The following DPRX variants were observed in gnomAD, a reference collection of about 807,000 sequenced individuals.
The protein encoded by DPRX is divergent-paired related homeobox.
A neutral mutation model predicts 8.4 loss-of-function variants in DPRX; 11 were observed. The observed-to-expected ratio is 1.31, with a 90% CI of 0.82 to 2.17. The LOEUF is 2.17. Among genes scored for constraint, DPRX ranks in the 30% most tolerant of loss-of-function variants. The pLI is 0.00. For synonymous variants in DPRX, 72 were observed against 87.0 expected, an observed-to-expected ratio of 0.83 and a Z score of 0.96; for missense variants, 211 against 236.7, an observed-to-expected ratio of 0.89 and a Z score of 0.71.
At chr19:53,613,529 T>G in the DPRX span, among the ~76,000 whole-genome samples, 14 of 151,640 alleles carry the variant, frequency 9.2e-5, no homozygotes, top group Non-Finnish European at 1.9e-4. Flanking sequence ...TTTTTTTTTT[T>G]TGTATTTTTA....
At chr19:53,617,192 T>C in the DPRX span, 28 of 965,934 alleles carry the variant, frequency 2.9e-5, no homozygotes, top group Non-Finnish European at 3.1e-5. Context: ...CTGTGTCCTA[T>C]TGAGTTTTTT....
intron 1 of DPRX, among the ~76,000 whole-genome samples, chr19:53,632,607 C>A (rs914441921): frequency 6.6e-6 from 1 of 152,058 alleles, no homozygotes; most frequent in Non-Finnish European, 1.5e-5. Flanking sequence ...CTGCACCCGG[C>A]CCAAGTTTTG....
exon 3 of DPRX, chr19:53,636,699 C>T (rs778694585): frequency 3.9e-5 from 63 of 1,613,998 alleles, no homozygotes; most frequent in Non-Finnish European, 4.7e-5. Flanking sequence ...GGTGGGGTCT[C>T]CACCAGTGTC....
At chr19:53,617,560 C>T in the DPRX span, among the ~76,000 whole-genome samples, 383 of 45,428 alleles carry the variant, frequency 8.4e-3, 3 homozygotes, top group African/African-American at 0.024. Flanking sequence ...CTCCGTCTCA[C>T]CAAAAAAAAA....
At chr19:53,634,755 A>G in intron 2 of DPRX, 70 bp downstream of exon 2, 1 of 1,544,834 alleles carries the variant, frequency 6.5e-7, no homozygotes, top group Non-Finnish European at 8.7e-7. Flanking sequence ...TCCCTCTAGG[A>G]TAATTCCTGA....
chr19:53,616,861 A>G, the DPRX span: 4 of 1,595,512 alleles, frequency 2.5e-6, no homozygotes, highest in Non-Finnish European at 3.4e-6. Context: ...CCTGAAGCTG[A>G]AGAAGCCGCC....
chr19:53,629,611 C>G (rs935554411), upstream of DPRX: 1 of 151,144 alleles, frequency 6.6e-6, no homozygotes, highest in Non-Finnish European at 1.5e-5. Context: ...AGATTACAGG[C>G]TCTTTTTAAA....
chr19:53,632,768 C>A (rs1345034444), intron 1 of DPRX, among the ~76,000 whole-genome samples: 1 of 152,120 alleles, frequency 6.6e-6, no homozygotes, highest in Non-Finnish European at 1.5e-5. Flanking sequence ...ACAGCACAGG[C>A]AAATGCAGGG....
the DPRX span, among the ~76,000 whole-genome samples, chr19:53,623,101 C>G: frequency 6.7e-6 from 1 of 149,518 alleles, no homozygotes; most frequent in African/African-American, 2.5e-5. Flanking sequence ...GTCAGGAGAT[C>G]GAGACCATCC....
At chr19:53,627,659 G>A (rs1029053418), upstream of DPRX, among the ~76,000 whole-genome samples, 1 of 150,392 alleles carries the variant, frequency 6.6e-6, no homozygotes, top group Admixed American at 6.6e-5. Flanking sequence ...GGCTGGTCTC[G>A]AACTCCTGAC....
At chr19:53,617,877 C>G in the DPRX span, among the ~76,000 whole-genome samples, 1 of 152,068 alleles carries the variant, frequency 6.6e-6, no homozygotes, top group Non-Finnish European at 1.5e-5. Context: ...CGGTGGCTCA[C>G]TTCTGTAGTC....
intron 1 of DPRX, 113 bp downstream of exon 1, chr19:53,632,247 G>A (rs2091095432): frequency 7.3e-7 from 1 of 1,362,534 alleles, no homozygotes; most frequent in Admixed American, 1.8e-5. Context: ...TCGTCCACGT[G>A]GGTGGCAGGG....
chr19:53,604,064 A>G, the DPRX span, among the ~76,000 whole-genome samples: 2 of 152,048 alleles, frequency 1.3e-5, no homozygotes. Flanking sequence ...TAAGTTTTCA[A>G]TTGTGTGCAG....
the DPRX span, among the ~76,000 whole-genome samples, chr19:53,625,558 C>T: frequency 1.1e-3 from 173 of 152,216 alleles, 3 homozygotes; most frequent in African/African-American, 4.0e-3. Flanking sequence ...CCTGGTTGCT[C>T]AGGATCTTCT....
rs747037499 is a variant in DPRX, at chr19:53,636,645, A to G, written c.233A>G (p.His78Arg). 21 of 1,613,976 alleles carry G rather than the reference A, an allele frequency of 1.3e-5. No individual in the cohort carries two copies. In the South Asian group the frequency reaches 1.3e-4, roughly 10 times the overall value. ...AAACTCAAGAAAGCGAAATGCAAGCATATTCATCAAAAACAAGAAACTCCA... is the reference window on the plus strand; with the variant it reads ...AAACTCAAGAAAGCGAAATGCAAGCGTATTCATCAAAAACAAGAAACTCCA... Residue 78 changes from histidine to arginine, a missense_variant, in exon 3 of 3, where the codon CAT becomes CGT. Transcript: ENST00000376650.
At chr19:53,605,272 G>A in the DPRX span, among the ~76,000 whole-genome samples, 1 of 151,714 alleles carries the variant, frequency 6.6e-6, no homozygotes, top group East Asian at 1.9e-4. Flanking sequence ...TTTTAAACAG[G>A]AATCATCATA....
At chr19:53,616,542 G>T in the DPRX span, among the ~76,000 whole-genome samples, 1 of 152,102 alleles carries the variant, frequency 6.6e-6, no homozygotes, top group African/African-American at 2.4e-5. Flanking sequence ...ATCACTTGAG[G>T]TCAGGAGTTC....
At chr19:53,625,173 T>A in the DPRX span, among the ~76,000 whole-genome samples, 4 of 149,444 alleles carry the variant, frequency 2.7e-5, no homozygotes, top group African/African-American at 9.8e-5. Flanking sequence ...TGCCTTAGCC[T>A]CTGGAGTACT....
the DPRX span, chr19:53,608,250 T>G: frequency 6.7e-6 from 1 of 148,788 alleles, no homozygotes. Flanking sequence ...AAAAATAAAA[T>G]AAACCTGTGC....
Sources: gnomAD v4.1 joint callset for allele counts (sites outside exome capture counted in the v4.1 genomes callset) on GRCh38, gnomAD v4.1.1 for gene constraint, MANE v1.5 for transcripts, NCBI Gene and HGNC (gene_info 2026-07-23, HGNC 2026-07-21) for gene names.